The following UNC5D variants were observed in gnomAD, a reference collection of about 807,000 sequenced individuals.
The protein encoded by UNC5D is netrin receptor UNC5D.
In UNC5D, 39 loss-of-function variants were observed where a neutral mutation model predicts 105.4. The ratio of observed to expected loss-of-function variants is 0.37; its 90% confidence interval spans 0.29 to 0.48. The LOEUF (loss-of-function observed/expected upper bound fraction) is 0.48. UNC5D is among the 20% of genes least tolerant of loss of function. The probability of loss-of-function intolerance (pLI) is 0.98; values close to 1 mark genes in which losing one functional copy is unlikely to be tolerated. For missense variants in UNC5D, 991 were observed against 1,202.4 expected, an observed-to-expected ratio of 0.82 and a Z score of 2.60; for synonymous variants, 452 against 450.4, an observed-to-expected ratio of 1.00 and a Z score of -0.04.
intron 1 of UNC5D, among the ~76,000 whole-genome samples, chr8:35,425,260 T>C (rs1420390323): frequency 1.3e-5 from 2 of 152,244 alleles, no homozygotes; most frequent in African/African-American, 2.4e-5. Context: ...TCTTTACCTT[T>C]GGTTTTTTGC....
chr8:35,545,956 G>A (rs982193845), intron 1 of UNC5D, among the ~76,000 whole-genome samples: 1 of 152,040 alleles, frequency 6.6e-6, no homozygotes, highest in Non-Finnish European at 1.5e-5. Context: ...TGCCAGTGGT[G>A]TGATCTTGAC....
intron 1 of UNC5D, among the ~76,000 whole-genome samples, chr8:35,469,691 G>A (rs1809569503): frequency 6.6e-6 from 1 of 152,164 alleles, no homozygotes; most frequent in Non-Finnish European, 1.5e-5. Flanking sequence ...TTTGACTAAA[G>A]AAGGGCATTT....
At chr8:35,299,034 G>A (rs769247191) in intron 1 of UNC5D, among the ~76,000 whole-genome samples, 12 of 152,178 alleles carry the variant, frequency 7.9e-5, no homozygotes, top group Non-Finnish European at 1.0e-4. Context: ...TTGTGCAAGG[G>A]AGTCAGATAT....
intron 1 of UNC5D, among the ~76,000 whole-genome samples, chr8:35,517,120 TC>T (rs1813147786): frequency 6.6e-6 from 1 of 152,212 alleles, no homozygotes; most frequent in South Asian, 2.1e-4. Context: ...GAGAGTTTCT[TC>T]CCTCTCTTTC....
At chr8:35,733,141 C>T (rs1250106488) in intron 11 of UNC5D, among the ~76,000 whole-genome samples, 1 of 152,050 alleles carries the variant, frequency 6.6e-6, no homozygotes, top group African/African-American at 2.4e-5. Context: ...GTAGCTGAAA[C>T]CTTCCCAGAT....
intron 1 of UNC5D, among the ~76,000 whole-genome samples, chr8:35,457,258 G>A (rs1489707988): frequency 6.6e-6 from 1 of 152,066 alleles, no homozygotes; most frequent in African/African-American, 2.4e-5. Flanking sequence ...AACATAATTG[G>A]AAAGATTCTT....
intron 16 of UNC5D, among the ~76,000 whole-genome samples, chr8:35,783,155 A>G (rs1802583707): frequency 6.6e-6 from 1 of 150,764 alleles, no homozygotes; most frequent in East Asian, 1.9e-4. Context: ...AGAAAGAAAA[A>G]AAAAAAAGAG....
chr8:35,673,049 T>C (rs2131286428), intron 4 of UNC5D, among the ~76,000 whole-genome samples: 1 of 152,266 alleles, frequency 6.6e-6, no homozygotes, highest in South Asian at 2.1e-4. Flanking sequence ...TATCATTTGC[T>C]TGGTTCTGCT....
intron 1 of UNC5D, among the ~76,000 whole-genome samples, chr8:35,510,961 A>G (rs1293696357): frequency 6.6e-6 from 1 of 152,236 alleles, no homozygotes; most frequent in Admixed American, 6.5e-5. Flanking sequence ...GGCCAATTAT[A>G]TAGCAAAGCC....
At chr8:35,608,874 A>C (rs1051699599) in intron 4 of UNC5D, among the ~76,000 whole-genome samples, 3 of 152,200 alleles carry the variant, frequency 2.0e-5, no homozygotes, top group Non-Finnish European at 4.4e-5. Context: ...TGCAATAAGT[A>C]TGTGAGTACA....
Position 35,726,329 on chromosome 8 carries a change from G to A in UNC5D, c.1481G>A (p.Gly494Glu). The A allele has an allele frequency of 6.2e-7, 1 of 1,614,104 alleles. No homozygotes were observed. Among genetic ancestry groups the A allele is most frequent in the Non-Finnish European group, 8.5e-7 (1 of 1,180,006 alleles). ...CAGAGCTCGTTCATGGTTTCCCTGG[G>A]AGTGTCTGAGAGAGCTGAGTACCAC... ...KVQSSFMVSL[G>E]VSERAEYHGK... The change falls in exon 10 of 17, where the codon GGA becomes GAA. Residue 494 changes from glycine (G) to glutamate (E), a missense_variant. Transcript: ENST00000404895.
chr8:35,710,618 C>T (rs761187757), intron 8 of UNC5D, among the ~76,000 whole-genome samples: 4 of 151,768 alleles, frequency 2.6e-5, no homozygotes, highest in African/African-American at 7.3e-5. Context: ...TAGATAATGG[C>T]GTGAATAGAG....
chr8:35,631,312 T>TC (rs906195000), intron 4 of UNC5D, among the ~76,000 whole-genome samples: 8 of 38,582 alleles, frequency 2.1e-4, no homozygotes, highest in Non-Finnish European at 3.6e-4. Flanking sequence ...AGACCCTGTC[T>TC]CAAAAAAAAA....
intron 1 of UNC5D, among the ~76,000 whole-genome samples, chr8:35,449,760 CTGT>C (rs1451592098): frequency 2.6e-5 from 4 of 152,112 alleles, no homozygotes; most frequent in Non-Finnish European, 5.9e-5. Flanking sequence ...ACCTGACCTA[CTGT>C]TTGCACATGG....
intron 9 of UNC5D, among the ~76,000 whole-genome samples, chr8:35,723,378 A>G (rs2131541622): frequency 6.6e-6 from 1 of 152,308 alleles, no homozygotes; most frequent in African/African-American, 2.4e-5. Flanking sequence ...ATTTGGACAT[A>G]TAGTTTAGTA....
chr8:35,422,855 C>T (rs1387436555), intron 1 of UNC5D, among the ~76,000 whole-genome samples: 6 of 152,204 alleles, frequency 3.9e-5, no homozygotes, highest in African/African-American at 1.2e-4. Flanking sequence ...TCCTCAAAGC[C>T]CGTGCTCCCC....
chr8:35,335,756 A>ATTTTTTTTTTTTTT lies in UNC5D; in HGVS notation c.103+99881_103+99894dup, dbSNP rs35774459. ...GGATAGAATGAAATGAGAGATTGCA[A>ATTTTTTTTTTTTTT]TTTTTTTTTTTTTTTTTTTTTTTTT... is the stretch of plus-strand genomic sequence containing the variant. On this transcript the variant is annotated intron_variant, in intron 1 of 16. Transcript: ENST00000404895. Among the ~76,000 whole-genome samples the ATTTTTTTTTTTTTT allele has an allele frequency of 1.3e-3, 121 of 90,444 alleles. 4 individuals are homozygous for ATTTTTTTTTTTTTT. The highest frequency in any genetic ancestry group is 1.8e-3 in the Non-Finnish European group (89 of 49,566). 59.3% of individuals were successfully genotyped at this position (90,444 alleles called of 152,430 possible).
At chr8:35,469,497 A>T (rs958496621) in intron 1 of UNC5D, among the ~76,000 whole-genome samples, 1 of 152,168 alleles carries the variant, frequency 6.6e-6, no homozygotes, top group East Asian at 1.9e-4. Flanking sequence ...TTGAGTGTCT[A>T]TGTTTGTGGG....
intron 1 of UNC5D, among the ~76,000 whole-genome samples, chr8:35,439,297 T>C (rs1807241470): frequency 6.6e-6 from 1 of 152,074 alleles, no homozygotes; most frequent in Non-Finnish European, 1.5e-5. Context: ...GAGTAACTTC[T>C]TCTTAATTTT....
Sources: allele counts gnomAD v4.1 joint callset (sites outside exome capture counted in the v4.1 genomes callset), GRCh38; gene constraint gnomAD v4.1.1; transcripts MANE v1.5; gene names NCBI Gene and HGNC (gene_info 2026-07-23, HGNC 2026-07-21).